Variants in RICTOR observed in about 807,000 individuals in gnomAD.
RICTOR encodes rapamycin-insensitive companion of mTOR.
RICTOR carries 49 observed loss-of-function variants against 214.9 expected under a neutral mutation model. That is an observed-to-expected ratio of 0.23 (90% CI 0.18 to 0.29). RICTOR has a LOEUF of 0.29. Among genes scored for constraint, RICTOR ranks in the 10% least tolerant of loss-of-function variants. The pLI, the probability that RICTOR is intolerant of heterozygous loss-of-function variation, is 1.00. For synonymous variants in RICTOR, 717 were observed against 711.3 expected (o/e 1.01, Z -0.13); for missense variants, 1,625 against 2,047.0 (o/e 0.79, Z 3.98).
rs2112885863 is a variant in RICTOR, at chr5:38,954,850, G to A, written c.2621C>T (p.Pro874Leu). ...VRRSNQRLQR[P>L]HVYLPIHLYG... Reference sequence around the variant, plus strand: ...AAGGTGTATAGGCAGGTAGACGTGAGGACGCTGTAATCTAGTATAATAAAG... The same window carrying A: ...AAGGTGTATAGGCAGGTAGACGTGAAGACGCTGTAATCTAGTATAATAAAG... Residue 874 changes from proline (P) to leucine (L), a missense_variant, in exon 27 of 38, where the codon CCT becomes CTT. Physicochemically the swap from Pro to Leu is moderately conservative, Grantham distance 98. Coordinates refer to ENST00000357387, the MANE Select transcript of RICTOR (RefSeq NM_152756.5). 6.3e-7 allele frequency: 1 copy of A among 1,575,696 alleles called. No individual in the cohort carries two copies. Among genetic ancestry groups the A allele is most frequent in the Non-Finnish European group, 8.7e-7 (1 of 1,146,626 alleles).
At chr5:38,990,686 T>TC (rs1561502190) in intron 7 of RICTOR, among the ~76,000 whole-genome samples, 5 of 26,188 alleles carry the variant, frequency 1.9e-4, no homozygotes, top group African/African-American at 7.1e-4. Context: ...AGATATATCA[T>TC]ATATATGATA....
intron 29 of RICTOR, among the ~76,000 whole-genome samples, chr5:38,952,748 A>G (rs942105505): frequency 1.3e-5 from 2 of 151,966 alleles, no homozygotes; most frequent in African/African-American, 4.8e-5. Context: ...TCTGTACAAC[A>G]CTATGCCTTA....
intron 2 of RICTOR, among the ~76,000 whole-genome samples, chr5:39,023,632 T>A (rs545724775): frequency 3.3e-5 from 5 of 152,232 alleles, no homozygotes; most frequent in Non-Finnish European, 4.4e-5. Context: ...TATTTTAGTT[T>A]AAGAGCCATT....
chr5:38,975,731 AAGACAAAGAT>A, intron 9 of RICTOR, 127 bp from the exon 10 acceptor site: 1 of 532,498 alleles, frequency 1.9e-6, no homozygotes, highest in Non-Finnish European at 3.2e-6. Context: ...AAATTAAAAC[AAGACAAAGAT>A]CAGATCTACA....
chr5:39,039,069 C>A (rs1220093179), intron 2 of RICTOR, among the ~76,000 whole-genome samples: 1 of 152,186 alleles, frequency 6.6e-6, no homozygotes, highest in Non-Finnish European at 1.5e-5. Context: ...GCAAACTATA[C>A]TACAAGGCTA....
chr5:39,014,643 T>C (rs1754802220), intron 3 of RICTOR, among the ~76,000 whole-genome samples: 1 of 152,118 alleles, frequency 6.6e-6, no homozygotes, highest in Admixed American at 6.6e-5. Context: ...AAGCAGGTCT[T>C]TAGATTATGA....
intron 2 of RICTOR, among the ~76,000 whole-genome samples, chr5:39,051,274 T>C (rs1306107477): frequency 6.6e-6 from 1 of 152,212 alleles, no homozygotes; most frequent in Non-Finnish European, 1.5e-5. Flanking sequence ...CACTTGTTCT[T>C]AGAGTTTTCA....
chr5:38,994,419 T>TAAAAAAAAAAAAAAAAAAAAA (rs869254811), intron 6 of RICTOR, among the ~76,000 whole-genome samples: 1 of 57,144 alleles, frequency 1.7e-5, no homozygotes, highest in African/African-American at 7.0e-5. Context: ...AAGGTTTTAC[T>TAAAAAAAAAAAAAAAAAAAAA]AAAAAAAAAA....
intron 3 of RICTOR, among the ~76,000 whole-genome samples, chr5:39,006,942 G>GT (rs1754127110): frequency 6.6e-6 from 1 of 152,084 alleles, no homozygotes; most frequent in Non-Finnish European, 1.5e-5. Context: ...TTTTTCTTTT[G>GT]TTTTTACTGT....
intron 11 of RICTOR, 84 bp from the exon 12 acceptor site, chr5:38,968,114 T>C (rs1273927303): frequency 1.9e-5 from 15 of 781,828 alleles, no homozygotes; most frequent in Middle Eastern, 3.5e-4. Flanking sequence ...TTTTTTAAAA[T>C]GATAAAAACA....
intron 10 of RICTOR, among the ~76,000 whole-genome samples, chr5:38,974,439 C>T (rs919116617): frequency 6.6e-6 from 1 of 152,062 alleles, no homozygotes; most frequent in African/African-American, 2.4e-5. Flanking sequence ...AAACAGACAT[C>T]ATTACAGGAA....
chr5:39,024,103 C>T lies in RICTOR; in HGVS notation c.98-2967G>A, dbSNP rs556136271. 1.1e-4 allele frequency among the ~76,000 whole-genome samples: 17 copies of T among 152,254 alleles called. No homozygotes were observed. The South Asian group carries it at 2.5e-3, about 22-fold the overall frequency. ...TAAGGAGTGCGCAACCTAGATCCCTCGCATGTGCAGTTCACAATAGGGTTT... is the reference window on the plus strand; with the variant it reads ...TAAGGAGTGCGCAACCTAGATCCCTTGCATGTGCAGTTCACAATAGGGTTT... On this transcript the variant is annotated intron_variant, in intron 2 of 37. Coordinates refer to ENST00000357387, the MANE Select transcript of RICTOR (RefSeq NM_152756.5).
chr5:39,037,602 T>C (rs1474073128), intron 2 of RICTOR, among the ~76,000 whole-genome samples: 5 of 149,622 alleles, frequency 3.3e-5, no homozygotes, highest in Non-Finnish European at 7.4e-5. Context: ...GAGAGAAGAA[T>C]CAAATAGACG....
intron 27 of RICTOR, among the ~76,000 whole-genome samples, chr5:38,954,407 A>T (rs1178448691): frequency 6.6e-5 from 10 of 151,998 alleles, no homozygotes; most frequent in African/African-American, 2.4e-4. Flanking sequence ...TATTAGGTTC[A>T]GTTTAATTTC....
chr5:39,041,027 T>C (rs191032470), intron 2 of RICTOR, among the ~76,000 whole-genome samples: 5,039 of 152,280 alleles, frequency 0.033, 138 homozygotes, highest in South Asian at 0.081. Context: ...AAGTTGAGAA[T>C]AGGAAACCTG....
rs764342244 is a variant in RICTOR at position 38,990,803 on chromosome 5, T to TATGAGATATGAG, written c.583+145_583+146insCTCATATCTCAT. 19 of 125,712 alleles carry TATGAGATATGAG rather than the reference T, an allele frequency of 1.5e-4. 2 individuals carry two copies. The highest frequency in any genetic ancestry group is 2.2e-4 in the African/African-American group (4 of 18,110). The allele number at this position is 125,712 out of a possible 1,614,324, so 7.8% of individuals were successfully genotyped here. ...TATGAGATATATGAGATATATGATA[T>TATGAGATATGAG]ATATGAGATATATGAGATATATGAT... On this transcript the variant is annotated intron_variant, in intron 7 of 37. Coordinates refer to ENST00000357387, the MANE Select transcript of RICTOR (RefSeq NM_152756.5).
Position 38,950,509 on chromosome 5 carries a change from A to G in RICTOR, c.3339T>C (p.Ser1113=), listed in dbSNP as rs749599214. ...TLPNKKHRSS[S]DPKGGKLSSE... ...ATGATAATTTCCCTCCTTTTGGATC[A>G]CTGCTACTACGATGTTTTTTGTTAG... is the stretch of plus-strand genomic sequence containing the variant. The change falls in exon 31 of 38, where the codon AGT becomes AGC. Residue 1113 remains serine (S), a synonymous_variant. Coordinates refer to ENST00000357387, the MANE Select transcript of RICTOR (RefSeq NM_152756.5). 3.7e-6 allele frequency: 6 copies of G among 1,613,324 alleles called. No homozygotes were observed. Among genetic ancestry groups the G allele is most frequent in the Non-Finnish European group, 5.1e-6 (6 of 1,179,550 alleles).
At chr5:38,982,483 A>G (rs1317934997) in intron 7 of RICTOR, among the ~76,000 whole-genome samples, 1 of 152,180 alleles carries the variant, frequency 6.6e-6, no homozygotes, top group Non-Finnish European at 1.5e-5. Context: ...TCCAAAGATC[A>G]GGCATTTATT....
intron 36 of RICTOR, 186 bp from the exon 37 acceptor site, chr5:38,943,157 GGTTT>G (rs1462257318): frequency 3.3e-6 from 1 of 305,982 alleles, no homozygotes; most frequent in African/African-American, 3.9e-5. Context: ...TCTGAGTTTG[GGTTT>G]TTTTTTAAAA....
Sources: gnomAD v4.1 joint callset for allele counts (sites outside exome capture counted in the v4.1 genomes callset) on GRCh38, gnomAD v4.1.1 for gene constraint, MANE v1.5 for transcripts, NCBI Gene and HGNC (gene_info 2026-07-23, HGNC 2026-07-21) for gene names.